The following TDRD7 variants were observed in gnomAD, a reference collection of about 807,000 sequenced individuals.
TDRD7 encodes tudor domain-containing protein 7.
Under a neutral mutation model 109.8 loss-of-function variants are expected in TDRD7, and 47 were observed. The observed-to-expected ratio is 0.43, with a 90% CI of 0.34 to 0.55. The LOEUF is 0.55. Among genes scored for constraint, TDRD7 ranks in the 20% least tolerant of loss-of-function variants. TDRD7 has a pLI of 0.03. For missense variants in TDRD7, 1,164 were observed against 1,319.2 expected, an observed-to-expected ratio of 0.88 and a Z score of 1.82; for synonymous variants, 424 against 457.3, an observed-to-expected ratio of 0.93 and a Z score of 0.93.
intron 4 of TDRD7, among the ~76,000 whole-genome samples, chr9:97,437,840 A>G (rs1204301638): frequency 2.6e-5 from 4 of 152,238 alleles, no homozygotes; most frequent in African/African-American, 9.6e-5. Context: ...GAGACAATAT[A>G]TTTTATTCTT....
At chr9:97,463,239 T>C (rs987300709) in intron 7 of TDRD7, among the ~76,000 whole-genome samples, 12 of 150,932 alleles carry the variant, frequency 8.0e-5, no homozygotes, top group Non-Finnish European at 1.5e-4. Flanking sequence ...AGTGAAACCC[T>C]GTCTCAAAAA....
chr9:97,425,700 T>C (rs555522422), intron 1 of TDRD7, among the ~76,000 whole-genome samples: 1 of 152,332 alleles, frequency 6.6e-6, no homozygotes, highest in African/African-American at 2.4e-5. Flanking sequence ...ATTAATTAAA[T>C]GTTGTTGGTC....
intron 5 of TDRD7, 135 bp from the exon 6 acceptor site, chr9:97,441,523 T>C: frequency 1.3e-6 from 1 of 745,094 alleles, no homozygotes; most frequent in South Asian, 1.7e-5. Flanking sequence ...CTCTGCCTAA[T>C]CCTGCTCCCT....
In TDRD7 at chr9:97,495,656, C is replaced by T. The variant is rs1829384398; in HGVS notation, c.3077-7C>T. The T allele has an allele frequency of 6.2e-7, 1 of 1,613,612 alleles. No homozygotes were observed. On this transcript the variant is annotated splice_polypyrimidine_tract_variant and splice_region_variant and intron_variant, in intron 16 of 16. Transcript: ENST00000355295. ...ACTGCTCCCTCTTCTTCCTCTCTTC[C>T]TCCTAGGAGTGAAGTGCAACCAGTG...
chr9:97,439,690 T>TA (rs1765099595), intron 5 of TDRD7, among the ~76,000 whole-genome samples: 1 of 152,154 alleles, frequency 6.6e-6, no homozygotes, highest in South Asian at 2.1e-4. Flanking sequence ...AGTGCATAAA[T>TA]ATGGGACTTA....
intron 6 of TDRD7, among the ~76,000 whole-genome samples, chr9:97,458,737 A>G (rs899508973): frequency 1.3e-5 from 2 of 152,220 alleles, no homozygotes; most frequent in African/African-American, 4.8e-5. Flanking sequence ...TTATATTAAT[A>G]TCGTTCACTT....
rs117809216 is a variant in TDRD7 at position 97,448,188 on chromosome 9, C to G, written c.855+6313C>G. On this transcript the variant is annotated intron_variant, in intron 6 of 16. Coordinates refer to ENST00000355295, the MANE Select transcript of TDRD7 (RefSeq NM_014290.3). ...TTCTCAAAGAGAATTGACTGAAAAA[C>G]TGTAACCATTTCTGAATATCTTGGG... Among the ~76,000 whole-genome samples, 15 of 152,318 alleles carry G rather than the reference C, an allele frequency of 9.8e-5. No individual in the cohort carries two copies. The East Asian group carries it at 2.9e-3, about 29-fold the overall frequency.
intron 14 of TDRD7, 124 bp downstream of exon 14, chr9:97,481,062 T>C: frequency 1.2e-6 from 1 of 810,832 alleles, no homozygotes; most frequent in Non-Finnish European, 2.2e-6. Context: ...CAACACATTT[T>C]TTATATTCAG....
At chr9:97,480,174 A>G (rs1376347949) in intron 13 of TDRD7, among the ~76,000 whole-genome samples, 1 of 152,154 alleles carries the variant, frequency 6.6e-6, no homozygotes, top group African/African-American at 2.4e-5. Flanking sequence ...CTTGAAGCTG[A>G]AGGAAATCCC....
chr9:97,424,049 C>CTTTTTTTTTTTTTTTTTTTTTTTTTT (rs56369544), intron 1 of TDRD7, among the ~76,000 whole-genome samples: 1 of 48,866 alleles, frequency 2.0e-5, no homozygotes, highest in Non-Finnish European at 3.4e-5. Context: ...CTTTTATATT[C>CTTTTTTTTTTTTTTTTTTTTTTTTTT]TTTTTTTTTT....
chr9:97,460,189 T>TTTCAGG lies in TDRD7; in HGVS notation c.868_869insTCAGGT (p.Pro289_Cys290insPheArg). Reference sequence around the variant, plus strand: ...TTTAAAAATTTCAGGTGGAGAAACCTTGCAGTGGTGGCCAAGATTTACTTC... The same window carrying TTTCAGG: ...TTTAAAAATTTCAGGTGGAGAAACCTTTCAGGTGCAGTGGTGGCCAAGATTTACTTC... On this transcript the variant is annotated inframe_insertion, in exon 7 of 17. Coordinates refer to ENST00000355295, the MANE Select transcript of TDRD7 (RefSeq NM_014290.3). The TTTCAGG allele has an allele frequency of 6.2e-7, 1 of 1,614,176 alleles. No homozygotes were observed. The highest frequency in any genetic ancestry group is 8.5e-7 in the Non-Finnish European group (1 of 1,180,006).
chr9:97,445,178 G>A (rs1220378530), intron 6 of TDRD7, among the ~76,000 whole-genome samples: 4 of 152,192 alleles, frequency 2.6e-5, no homozygotes, highest in Admixed American at 2.0e-4. Context: ...TGCAGATCAA[G>A]GACACTGCAC....
intron 1 of TDRD7, among the ~76,000 whole-genome samples, chr9:97,417,332 G>C (rs1261284873): frequency 1.3e-5 from 2 of 152,092 alleles, no homozygotes; most frequent in African/African-American, 2.4e-5. Context: ...AGCATTAGAG[G>C]GTTTTGAGTG....
In TDRD7 at chr9:97,432,136, C is replaced by T. The variant is rs777352346; in HGVS notation, c.461C>T (p.Pro154Leu). The T allele has an allele frequency of 5.0e-6, 8 of 1,613,752 alleles. No homozygotes were observed. Among genetic ancestry groups the T allele is most frequent in the Non-Finnish European group, 6.8e-6 (8 of 1,179,818 alleles). ...RDKGNSVGVK[P>L]DAEMSPYMLH... ...AAAGGAAACTCTGTTGGAGTTAAGC[C>T]TGATGCTGAAATGTCTCCTTATATG... Residue 154 changes from proline to leucine, a missense_variant, in exon 4 of 17, where the codon CCT becomes CTT. By Grantham distance (98) the Pro-to-Leu change is moderately conservative. Coordinates refer to ENST00000355295, the MANE Select transcript of TDRD7 (RefSeq NM_014290.3).
chr9:97,451,019 C>T (rs1351031500), intron 6 of TDRD7, among the ~76,000 whole-genome samples: 1 of 151,828 alleles, frequency 6.6e-6, no homozygotes, highest in Non-Finnish European at 1.5e-5. Context: ...ACTTTCAGCC[C>T]CAACCAACCT....
intron 1 of TDRD7, among the ~76,000 whole-genome samples, chr9:97,425,614 CACAA>C (rs1318361370): frequency 6.6e-6 from 1 of 152,080 alleles, no homozygotes; most frequent in African/African-American, 2.4e-5. Flanking sequence ...TGACTATACA[CACAA>C]ACACACACAC....
At chr9:97,418,529 T>A (rs149175742) in intron 1 of TDRD7, among the ~76,000 whole-genome samples, 62 of 150,980 alleles carry the variant, frequency 4.1e-4, no homozygotes, top group African/African-American at 1.5e-3. Context: ...TCTACCTGAA[T>A]GCCGCTCCTT....
At chr9:97,483,699 T>TA (rs951007275) in intron 15 of TDRD7, among the ~76,000 whole-genome samples, 1 of 151,918 alleles carries the variant, frequency 6.6e-6, no homozygotes, top group Admixed American at 6.6e-5. Flanking sequence ...TTTTAAAATA[T>TA]AAAAAAAGCA....
intron 8 of TDRD7, among the ~76,000 whole-genome samples, chr9:97,467,306 A>G (rs1828836903): frequency 6.6e-6 from 1 of 152,226 alleles, no homozygotes; most frequent in African/African-American, 2.4e-5. Flanking sequence ...TTCCACAAGG[A>G]TATCTCCCAG....
Sources: gnomAD v4.1 joint callset for allele counts (sites outside exome capture counted in the v4.1 genomes callset) on GRCh38, gnomAD v4.1.1 for gene constraint, MANE v1.5 for transcripts, NCBI Gene and HGNC (gene_info 2026-07-23, HGNC 2026-07-21) for gene names.